Variants in KCNT1 observed in about 807,000 individuals in gnomAD.
KCNT1 encodes potassium channel subfamily T member 1.
A neutral mutation model predicts 147.8 loss-of-function variants in KCNT1; 78 were observed. The ratio of observed to expected loss-of-function variants is 0.53; its 90% confidence interval spans 0.44 to 0.64. KCNT1 has a LOEUF of 0.64. Ranked by LOEUF, KCNT1 falls within the 30% of genes least tolerant of loss-of-function variation. KCNT1 has a pLI of 0.00. For missense variants in KCNT1, 1,419 were observed against 1,750.3 expected, an observed-to-expected ratio of 0.81 and a Z score of 3.38; for synonymous variants, 867 against 748.8, an observed-to-expected ratio of 1.16 and a Z score of -2.58.
rs1564391014 is a variant in KCNT1, at chr9:135,784,631, G to C, written c.3027+13G>C. The C allele has an allele frequency of 2.5e-6, 4 of 1,611,320 alleles. No homozygotes were observed. The highest frequency in any genetic ancestry group is 1.7e-6 in the Non-Finnish European group (2 of 1,179,126). ...GTACCTCTGTGCCGTAAGTGCCCCTGGCTGCGCTGGGCTGGGGGCGTGCTG... is the reference window on the plus strand; with the variant it reads ...GTACCTCTGTGCCGTAAGTGCCCCTCGCTGCGCTGGGCTGGGGGCGTGCTG... On this transcript the variant is annotated intron_variant, in intron 26 of 30. Transcript: ENST00000371757.
chr9:135,704,298 G>C (rs1835160887), intron 1 of KCNT1, among the ~76,000 whole-genome samples: 1 of 152,186 alleles, frequency 6.6e-6, no homozygotes, highest in African/African-American at 2.4e-5. Flanking sequence ...ATGGTTCAGA[G>C]GGGCCAGGAG....
intron 1 of KCNT1, among the ~76,000 whole-genome samples, chr9:135,704,986 T>A (rs1171787947): frequency 2.6e-5 from 4 of 152,018 alleles, no homozygotes; most frequent in African/African-American, 9.7e-5. Flanking sequence ...GCAGACAGGG[T>A]CCCCACGAGG....
At position 135,792,062 on chromosome 9, in the gene KCNT1, C is replaced by T. The variant is rs767668014; in HGVS notation, c.3609C>T (p.Pro1203=). Residue 1203 remains proline (P), a synonymous_variant, in exon 31 of 31, where the codon CCC becomes CCT. Transcript: ENST00000371757. ...GCAGCTATCTCATCCGCTCCGACCC[C>T]CTGGCTCACGTGGCCAGCAGCTCCC... The part of the protein sequence containing the change: ...SDIVYLIRSD[P]LAHVASSSQS... 6.2e-7 allele frequency: 1 copy of T among 1,604,400 alleles called. No homozygotes were observed. Among genetic ancestry groups the T allele is most frequent in the African/African-American group, 1.3e-5 (1 of 74,910 alleles).
chr9:135,702,565 T>G (rs1025109222), intron 1 of KCNT1, among the ~76,000 whole-genome samples, 197 bp downstream of exon 1: 1 of 152,062 alleles, frequency 6.6e-6, no homozygotes, highest in Non-Finnish European at 1.5e-5. Flanking sequence ...AATCAGCAGG[T>G]GCCGAGGCAG....
intron 4 of KCNT1, among the ~76,000 whole-genome samples, chr9:135,751,656 G>A (rs577792129): frequency 2.7e-4 from 41 of 152,310 alleles, no homozygotes; most frequent in African/African-American, 9.6e-4. Flanking sequence ...AGAAGTGGCG[G>A]CTGCTGGGAC....
intron 17 of KCNT1, 116 bp from the exon 18 acceptor site, chr9:135,770,741 C>T: frequency 2.8e-6 from 3 of 1,066,212 alleles, no homozygotes; most frequent in Non-Finnish European, 4.1e-6. Flanking sequence ...AAATGGCCCC[C>T]AGGAGGAAGA....
intron 2 of KCNT1, among the ~76,000 whole-genome samples, chr9:135,727,271 C>A (rs1836244239): frequency 8.6e-6 from 1 of 115,818 alleles, no homozygotes; most frequent in Non-Finnish European, 1.8e-5. Context: ...TTCTCCCTCT[C>A]TTTCCCATTC....
In KCNT1 at chr9:135,714,865, G is replaced by T. The variant is rs1023614641; in HGVS notation, c.254+145G>T. The T allele has an allele frequency of 2.0e-6, 1 of 496,502 alleles. No homozygotes were observed. The highest frequency in any genetic ancestry group is 2.1e-5 in the African/African-American group (1 of 47,926). 30.8% of individuals were successfully genotyped at this position (496,502 alleles called of 1,614,324 possible). ...ACTTTTCCCGGCTTCTGGGGACGCA[G>T]AAGTTTCGGAGGGGGTGCGGGCAGG... On this transcript the variant is annotated intron_variant, in intron 2 of 30. Coordinates refer to ENST00000371757, the MANE Select transcript of KCNT1 (RefSeq NM_020822.3). This position sits in a 1 kb window ranked among gnomAD's most constrained non-coding sequence, Gnocchi z 6.2.
Position 135,714,751 on chromosome 9 carries a change from G to A in KCNT1, c.254+31G>A. The A allele has an allele frequency of 8.1e-7, 1 of 1,241,366 alleles. No homozygotes were observed. The allele number at this position is 1,241,366 out of a possible 1,614,324, so 76.9% of individuals were successfully genotyped here. On this transcript the variant is annotated intron_variant, in intron 2 of 30. Transcript: ENST00000371757. The surrounding 1 kb of genome is among the most constrained non-coding windows in gnomAD (Gnocchi z 6.2). ...GACCGGGCGCGGGGTGGGGGCTGGG[G>A]TCGCCGTCCCGGCGCCGCCGCACGC... is the stretch of plus-strand genomic sequence containing the variant.
rs1215129069 is a variant in KCNT1 at position 135,792,420 on chromosome 9, T to G, written c.*259T>G. 5.6e-6 allele frequency: 2 copies of G among 356,860 alleles called. No homozygotes were observed. The highest frequency in any genetic ancestry group is 2.1e-5 in the African/African-American group (1 of 47,032). The allele number at this position is 356,860 out of a possible 1,614,324, so 22.1% of individuals were successfully genotyped here. On this transcript the variant is annotated 3_prime_UTR_variant, in exon 31 of 31. Coordinates refer to ENST00000371757, the MANE Select transcript of KCNT1 (RefSeq NM_020822.3). ...TGCAGTCCACTTCTCTTTACACAGA[T>G]GTACCGCAACTCGTGACCAGGGCTG...
At chr9:135,733,817 C>A (rs1045400786) in intron 2 of KCNT1, among the ~76,000 whole-genome samples, 1 of 148,980 alleles carries the variant, frequency 6.7e-6, no homozygotes, top group East Asian at 2.1e-4. Context: ...TGCCCACCCA[C>A]GAGATGTCAC....
At chr9:135,735,720 C>T (rs773337240) in intron 2 of KCNT1, among the ~76,000 whole-genome samples, 16 of 152,142 alleles carry the variant, frequency 1.1e-4, no homozygotes, top group Non-Finnish European at 2.4e-4. Context: ...AGAGACAGAT[C>T]CCTGGCTTGC....
At position 135,752,546 on chromosome 9, in the gene KCNT1, C is replaced by A; in HGVS notation, c.435-1391C>A. 1 of 416,614 alleles carries A rather than the reference C, an allele frequency of 2.4e-6. No homozygotes were observed. The highest frequency in any genetic ancestry group is 1.7e-5 in the South Asian group (1 of 58,004). The allele number at this position is 416,614 out of a possible 1,614,324, so 25.8% of individuals were successfully genotyped here. A position where few individuals can be genotyped will look rare whatever the true frequency, so the allele number is the denominator to read the frequency against. On this transcript the variant is annotated intron_variant, in intron 4 of 30. Transcript: ENST00000371757. The surrounding 1 kb of genome is among the most constrained non-coding windows in gnomAD (Gnocchi z 5.1). ...CAAGTCTGTTGTGTTCACTGCCCGT[C>A]CCCTAGCACAGCGTCCAGGACATGG...
chr9:135,715,370 C>G (rs938453428), intron 2 of KCNT1, among the ~76,000 whole-genome samples: 3 of 152,246 alleles, frequency 2.0e-5, no homozygotes, highest in Non-Finnish European at 4.4e-5. Context: ...AAATAGCTGT[C>G]TTGGGTAAAC....
chr9:135,735,175 C>T (rs558762579), intron 2 of KCNT1, among the ~76,000 whole-genome samples: 9 of 152,324 alleles, frequency 5.9e-5, no homozygotes, highest in African/African-American at 1.2e-4. Flanking sequence ...GCAGCCAGGG[C>T]GACATGCATA....
rs886597842 is a variant in KCNT1 at position 135,792,319 on chromosome 9, C to T, written c.*158C>T. 26 of 968,528 alleles carry T rather than the reference C, an allele frequency of 2.7e-5. No individual in the cohort carries two copies. The highest frequency in any genetic ancestry group is 2.3e-4 in the African/African-American group (14 of 60,346). 60.0% of individuals were successfully genotyped at this position (968,528 alleles called of 1,614,324 possible). A position where few individuals can be genotyped will look rare whatever the true frequency, so the allele number is the denominator to read the frequency against. On this transcript the variant is annotated 3_prime_UTR_variant, in exon 31 of 31. Coordinates refer to ENST00000371757, the MANE Select transcript of KCNT1 (RefSeq NM_020822.3). The stretch of plus-strand genomic sequence containing the variant: ...CCACCCTGGAAAGGAGCCCCTCATG[C>T]GGGGGGAGGGCCAGCTCACCCCTGG...
chr9:135,723,894 A>G (rs991644913), intron 2 of KCNT1, among the ~76,000 whole-genome samples: 1 of 152,018 alleles, frequency 6.6e-6, no homozygotes, highest in East Asian at 1.9e-4. Context: ...TCTGAGCGCC[A>G]TGGCTCAGCG....
chr9:135,702,638 T>TG (rs1363875329), intron 1 of KCNT1, among the ~76,000 whole-genome samples: 2 of 151,938 alleles, frequency 1.3e-5, no homozygotes, highest in African/African-American at 4.8e-5. Flanking sequence ...CGTGGCTACA[T>TG]GGGGGTCCTG....
At chr9:135,758,962 C>T (rs552967629) in intron 10 of KCNT1, among the ~76,000 whole-genome samples, 1 of 152,362 alleles carries the variant, frequency 6.6e-6, no homozygotes, top group South Asian at 2.1e-4. Context: ...CATGTTGCTG[C>T]TCTGCCTTGG....
Sources: allele counts gnomAD v4.1 joint callset (sites outside exome capture counted in the v4.1 genomes callset), GRCh38; gene constraint gnomAD v4.1.1; non-coding constraint Gnocchi (gnomAD v3.1); transcripts MANE v1.5; gene names NCBI Gene and HGNC (gene_info 2026-07-23, HGNC 2026-07-21).